MBNL2: variants seen among roughly 807,000 people sequenced by gnomAD.
MBNL2 encodes muscleblind-like protein 2.
In MBNL2, 17 loss-of-function variants were observed where a neutral mutation model predicts 41.9. The observed-to-expected ratio is 0.41, with a 90% CI of 0.28 to 0.61. The LOEUF (loss-of-function observed/expected upper bound fraction) is 0.61. Among genes scored for constraint, MBNL2 ranks in the 20% least tolerant of loss-of-function variants. MBNL2 has a pLI of 0.35. For missense variants in MBNL2, 336 were observed against 505.6 expected (o/e 0.66, Z 3.22); for synonymous variants, 195 against 182.9 (o/e 1.07, Z -0.53).
chr13:97,249,926 T>C (rs1471535014), intron 1 of MBNL2, among the ~76,000 whole-genome samples: 4 of 152,224 alleles, frequency 2.6e-5, no homozygotes, highest in Non-Finnish European at 5.9e-5. Context: ...GGCAGGAGGC[T>C]AAGTAACTTT....
chr13:97,308,433 A>G (rs1033106820), intron 2 of MBNL2, among the ~76,000 whole-genome samples: 4 of 152,226 alleles, frequency 2.6e-5, no homozygotes, highest in Admixed American at 2.0e-4. Context: ...CCCTCTGGCC[A>G]TCTGGGTATT....
the MBNL2 span, among the ~76,000 whole-genome samples, chr13:97,211,327 A>G: frequency 6.6e-6 from 1 of 152,104 alleles, no homozygotes; most frequent in East Asian, 1.9e-4. Context: ...TGGCAATCCC[A>G]TGGGTTGGGG....
rs2066448066 is a variant in MBNL2 at position 97,393,662 on chromosome 13, A to G, written c.*2213A>G. ...AGATTTTGCTTTTTATTTATTTATA[A>G]TGTAATTTTATAGAATAATTCTGGG... is the stretch of plus-strand genomic sequence containing the variant. On this transcript the variant is annotated 3_prime_UTR_variant, in exon 9 of 9. Transcript: ENST00000679496. 1 of 152,520 alleles carries G rather than the reference A, an allele frequency of 6.6e-6. No individual in the cohort carries two copies. The highest frequency in any genetic ancestry group is 1.5e-5 in the Non-Finnish European group (1 of 67,970). 9.4% of individuals were successfully genotyped at this position (152,520 alleles called of 1,614,324 possible). A position where few individuals can be genotyped will look rare whatever the true frequency, so the allele number is the denominator to read the frequency against.
chr13:97,371,825 CT>C (rs1366096727), intron 8 of MBNL2, among the ~76,000 whole-genome samples: 1 of 152,194 alleles, frequency 6.6e-6, no homozygotes, highest in African/African-American at 2.4e-5. Context: ...CAAAACCTGT[CT>C]AAATAAATGT....
At chr13:97,295,658 C>T (rs1363652482) in intron 2 of MBNL2, among the ~76,000 whole-genome samples, 1 of 152,094 alleles carries the variant, frequency 6.6e-6, no homozygotes, top group Non-Finnish European at 1.5e-5. Flanking sequence ...ATAATGATCA[C>T]AATAGAAATA....
chr13:97,341,898 C>T, intron 3 of MBNL2, among the ~76,000 whole-genome samples: 1 of 152,100 alleles, frequency 6.6e-6, no homozygotes, highest in Non-Finnish European at 1.5e-5. Flanking sequence ...AATGTAGAAA[C>T]AGAGAACAAG....
At chr13:97,313,409 A>G (rs183618778) in intron 2 of MBNL2, among the ~76,000 whole-genome samples, 4 of 152,354 alleles carry the variant, frequency 2.6e-5, no homozygotes, top group Admixed American at 2.6e-4. Flanking sequence ...AATTCTAATC[A>G]GCCAATGTTT....
upstream of MBNL2, among the ~76,000 whole-genome samples, chr13:97,218,435 C>CAAAAAAAAAAAAAAAA (rs748001765): frequency 1.0e-4 from 7 of 67,572 alleles, no homozygotes; most frequent in African/African-American, 5.0e-4. Context: ...CAAAACAAAA[C>CAAAAAAAAAAAAAAAA]AAAACAAAAA....
At chr13:97,343,886 A>G (rs2061625309) in intron 4 of MBNL2, among the ~76,000 whole-genome samples, 1 of 152,170 alleles carries the variant, frequency 6.6e-6, no homozygotes, top group Non-Finnish European at 1.5e-5. Flanking sequence ...GGCTCACCAC[A>G]ACCTCCTCTG....
chr13:97,210,333 T>A, the MBNL2 span, among the ~76,000 whole-genome samples: 1 of 152,152 alleles, frequency 6.6e-6, no homozygotes, highest in Non-Finnish European at 1.5e-5. Flanking sequence ...CCCAGCAAAT[T>A]GAGAACTTTT....
At chr13:97,223,615 A>G (rs2041137133) in intron 1 of MBNL2, among the ~76,000 whole-genome samples, 1 of 152,220 alleles carries the variant, frequency 6.6e-6, no homozygotes, top group Non-Finnish European at 1.5e-5. Context: ...TGTCCCTTTA[A>G]AAGACAAAGG....
upstream of MBNL2, among the ~76,000 whole-genome samples, chr13:97,218,440 C>CAAAAAAA (rs372883729): frequency 9.3e-5 from 11 of 117,968 alleles, no homozygotes; most frequent in African/African-American, 3.1e-4. Context: ...CAAAACAAAA[C>CAAAAAAA]AAAAAAAAAA....
chr13:97,279,543 T>G (rs1288367434), intron 2 of MBNL2, among the ~76,000 whole-genome samples: 1 of 152,214 alleles, frequency 6.6e-6, no homozygotes, highest in Non-Finnish European at 1.5e-5. Flanking sequence ...GTCCAAACTT[T>G]CAAGAATTAA....
chr13:97,299,044 G>T (rs1222975788), intron 2 of MBNL2, among the ~76,000 whole-genome samples: 1 of 152,156 alleles, frequency 6.6e-6, no homozygotes, highest in Non-Finnish European at 1.5e-5. Flanking sequence ...AAGTCAGAAA[G>T]AAAGCAATGG....
intron 2 of MBNL2, among the ~76,000 whole-genome samples, chr13:97,328,795 G>A (rs149673498): frequency 3.5e-4 from 53 of 152,194 alleles, no homozygotes; most frequent in African/African-American, 1.2e-3. Flanking sequence ...TAATGGGAGA[G>A]TCTTTAATAG....
At chr13:97,159,900 T>C in the MBNL2 span, among the ~76,000 whole-genome samples, 2 of 151,884 alleles carry the variant, frequency 1.3e-5, no homozygotes, top group South Asian at 2.1e-4. Flanking sequence ...TCAAGGAGTA[T>C]CTTTGTGGCG....
intron 1 of MBNL2, among the ~76,000 whole-genome samples, chr13:97,250,292 G>A (rs1226986742): frequency 6.6e-6 from 1 of 152,152 alleles, no homozygotes; most frequent in Non-Finnish European, 1.5e-5. Context: ...TTTGCTGACA[G>A]TGCACTTTAC....
chr13:97,157,180 A>C, the MBNL2 span, among the ~76,000 whole-genome samples: 1 of 145,812 alleles, frequency 6.9e-6, no homozygotes, highest in African/African-American at 2.6e-5. Context: ...TTCACTCATG[A>C]TTTGGCTCTC....
chr13:97,181,247 T>A, the MBNL2 span, among the ~76,000 whole-genome samples: 3 of 152,196 alleles, frequency 2.0e-5, no homozygotes, highest in Non-Finnish European at 4.4e-5. Context: ...TGTAATCACA[T>A]CTTAATTTAA....
Sources: allele counts gnomAD v4.1 joint callset (sites outside exome capture counted in the v4.1 genomes callset), GRCh38; gene constraint gnomAD v4.1.1; transcripts MANE v1.5; gene names NCBI Gene and HGNC (gene_info 2026-07-23, HGNC 2026-07-21).